The following EXT2 variants were observed in gnomAD, a reference collection of about 807,000 sequenced individuals.
EXT2 encodes exostosin-2.
Under a neutral mutation model 81.6 loss-of-function variants are expected in EXT2, and 53 were observed. That is an observed-to-expected ratio of 0.65 (90% CI 0.52 to 0.82). The LOEUF (loss-of-function observed/expected upper bound fraction) is 0.82, where lower values mean the gene tolerates loss of function less well. Among genes scored for constraint, EXT2 ranks in the 40% least tolerant of loss-of-function variants. The pLI is 0.00. For synonymous variants in EXT2, 320 were observed against 340.0 expected, an observed-to-expected ratio of 0.94 and a Z score of 0.65; for missense variants, 774 against 910.2, an observed-to-expected ratio of 0.85 and a Z score of 1.93.
rs1467337924 is a variant in EXT2, at chr11:44,206,894, G to A, written c.1597G>A (p.Ala533Thr). The A allele has an allele frequency of 6.2e-7, 1 of 1,614,156 alleles. No individual in the cohort carries two copies. ...CCCTTATGATGAAATCGAGACAGAAGCTGTTCTGGCCATTGATGATGATAT... is the reference window on the plus strand; with the variant it reads ...CCCTTATGATGAAATCGAGACAGAAACTGTTCTGGCCATTGATGATGATAT... ...FFPYDEIETEAVLAIDDDIIM... is the reference protein window; with the variant it reads ...FFPYDEIETETVLAIDDDIIM... Residue 533 changes from alanine (A) to threonine (T), a missense_variant, in exon 10 of 14, where the codon GCT (alanine) becomes ACT (threonine). Physicochemically the swap from Ala to Thr is moderately conservative, Grantham distance 58. Around this residue, in one of 2 missense-constraint regions of EXT2, gnomAD observed 148 missense variants for 239.7 expected, o/e 0.62. Coordinates refer to ENST00000533608, the MANE Select transcript of EXT2 (RefSeq NM_207122.2).
intron 8 of EXT2, among the ~76,000 whole-genome samples, chr11:44,174,323 A>G (rs917506685): frequency 3.9e-5 from 6 of 152,192 alleles, no homozygotes; most frequent in African/African-American, 1.4e-4. Context: ...AACAAGGCAG[A>G]GAAGGAGCCA....
intron 3 of EXT2, among the ~76,000 whole-genome samples, chr11:44,111,837 C>G (rs569987710): frequency 6.6e-6 from 1 of 152,174 alleles, no homozygotes; most frequent in Non-Finnish European, 1.5e-5. Flanking sequence ...TTGTGTGAAT[C>G]TCTGCATGAT....
rs191172620 is a variant in EXT2 at position 44,152,910 on chromosome 11, A to G, written c.1174-18701A>G. Among the ~76,000 whole-genome samples, 32 of 152,246 alleles carry G rather than the reference A, an allele frequency of 2.1e-4. No homozygotes were observed. The East Asian group carries it at 5.0e-3, about 24-fold the overall frequency. ...CTGTCTATTCTTTCACCAATATCAC[A>G]CTGTCTTGATGACTGTAGCTTTATT... On this transcript the variant is annotated intron_variant, in intron 7 of 13. Transcript: ENST00000533608.
rs868252913 is a variant in EXT2 at position 44,107,869 on chromosome 11, T to C, written c.157T>C (p.Ser53Pro). Residue 53 changes from serine to proline, a missense_variant, in exon 2 of 14, where the codon TCA (serine) becomes CCA (proline). By Grantham distance (74) the Ser-to-Pro change is moderately conservative (BLOSUM62 -1). Coordinates refer to ENST00000533608, the MANE Select transcript of EXT2 (RefSeq NM_207122.2). Reference sequence around the variant, plus strand: ...GTTTTGGCCCCATTCTATCGAGTCCTCAAATGACTGGAATGTAGAGAAGCG... The same window carrying C: ...GTTTTGGCCCCATTCTATCGAGTCCCCAAATGACTGGAATGTAGAGAAGCG... ...FQFWPHSIES[S>P]NDWNVEKRSI... 1.2e-6 allele frequency: 2 copies of C among 1,614,132 alleles called. No homozygotes were observed. Among genetic ancestry groups the C allele is most frequent in the African/African-American group, 2.7e-5 (2 of 75,020 alleles).
intron 8 of EXT2, among the ~76,000 whole-genome samples, chr11:44,181,716 T>C (rs1955238699): frequency 6.6e-6 from 1 of 152,212 alleles, no homozygotes; most frequent in Non-Finnish European, 1.5e-5. Flanking sequence ...TCTCTGAAGA[T>C]ATTATTTGTG....
chr11:44,204,887 A>G (rs1955564503), intron 9 of EXT2, among the ~76,000 whole-genome samples: 1 of 151,996 alleles, frequency 6.6e-6, no homozygotes. Flanking sequence ...TTCATATTTT[A>G]TAAGGATTTG....
chr11:44,130,006 G>A (rs781730137), intron 6 of EXT2, 39 bp from the exon 7 acceptor site: 2 of 1,477,824 alleles, frequency 1.4e-6, no homozygotes, highest in Non-Finnish European at 1.9e-6. Flanking sequence ...TTTCTGTGAA[G>A]GGCTGTGTGT....
At position 44,248,968 on chromosome 11, in the gene EXT2, T is replaced by G. The variant is rs528602850; in HGVS notation, c.*4681T>G. ...TTGCAACCATTTCAGGGTAGAGTTT[T>G]TTTGTTTGTTTGTTTGTTTGTTTTT... is the stretch of plus-strand genomic sequence containing the variant. On this transcript the variant is annotated 3_prime_UTR_variant, in exon 14 of 14. Transcript: ENST00000533608. 7.9e-5 allele frequency among the ~76,000 whole-genome samples: 12 copies of G among 151,946 alleles called. No homozygotes were observed. Among genetic ancestry groups the G allele is most frequent in the Non-Finnish European group, 1.6e-4 (11 of 67,974 alleles).
In EXT2 at chr11:44,251,958, A is replaced by G. The variant is rs1956141649; in HGVS notation, c.*7671A>G. 6.6e-6 allele frequency among the ~76,000 whole-genome samples: 1 copy of G among 152,242 alleles called. No homozygotes were observed. The highest frequency in any genetic ancestry group is 1.5e-5 in the Non-Finnish European group (1 of 68,040). On this transcript the variant is annotated 3_prime_UTR_variant, in exon 14 of 14. Coordinates refer to ENST00000533608, the MANE Select transcript of EXT2 (RefSeq NM_207122.2). ...AATGTCAATAAATGCTGTGAAGAAA[A>G]TAAAGCAGAGTATTATATGTGGATA...
At chr11:44,175,309 G>C (rs1423591216) in intron 8 of EXT2, among the ~76,000 whole-genome samples, 1 of 152,152 alleles carries the variant, frequency 6.6e-6, no homozygotes, top group East Asian at 1.9e-4. Context: ...TCATGGGTGA[G>C]GATGGTATTG....
At chr11:44,226,539 G>A (rs1955840067) in intron 10 of EXT2, among the ~76,000 whole-genome samples, 1 of 152,180 alleles carries the variant, frequency 6.6e-6, no homozygotes, top group Non-Finnish European at 1.5e-5. Flanking sequence ...AGCATAAGCT[G>A]AAAATGAAGG....
chr11:44,157,596 C>G (rs928709295), intron 7 of EXT2, among the ~76,000 whole-genome samples: 1 of 152,180 alleles, frequency 6.6e-6, no homozygotes, highest in Non-Finnish European at 1.5e-5. Context: ...GGTGAATGCT[C>G]TCAGGCCTGG....
intron 12 of EXT2, 41 bp downstream of exon 12, chr11:44,234,284 A>T: frequency 6.3e-7 from 1 of 1,587,798 alleles, no homozygotes; most frequent in African/African-American, 1.3e-5. Flanking sequence ...GATCTTGGGC[A>T]AATATCTATT....
chr11:44,213,737 C>G (rs1955680620), intron 10 of EXT2, among the ~76,000 whole-genome samples: 1 of 152,056 alleles, frequency 6.6e-6, no homozygotes, highest in South Asian at 2.1e-4. Context: ...ACTTGTGGGA[C>G]AATCACAAAA....
At chr11:44,142,177 A>T (rs1188213813) in intron 7 of EXT2, among the ~76,000 whole-genome samples, 5 of 152,244 alleles carry the variant, frequency 3.3e-5, no homozygotes, top group Non-Finnish European at 5.9e-5. Context: ...AACTTACTAT[A>T]TACTTACATA....
chr11:44,183,450 A>C (rs186959596), intron 8 of EXT2, among the ~76,000 whole-genome samples: 2 of 152,282 alleles, frequency 1.3e-5, no homozygotes, highest in East Asian at 1.9e-4. Flanking sequence ...TTTAAACCTG[A>C]AGATTGTTGA....
chr11:44,112,661 A>G (rs1300489616), intron 3 of EXT2, among the ~76,000 whole-genome samples: 3 of 152,198 alleles, frequency 2.0e-5, no homozygotes, highest in Non-Finnish European at 4.4e-5. Flanking sequence ...TGAGATGACA[A>G]ACAGACTGCA....
chr11:44,215,443 C>A (rs1006396168), intron 10 of EXT2, among the ~76,000 whole-genome samples: 2 of 152,060 alleles, frequency 1.3e-5, no homozygotes, highest in Non-Finnish European at 2.9e-5. Flanking sequence ...TTTGATTCTA[C>A]TGTGGTCAGA....
intron 4 of EXT2, among the ~76,000 whole-genome samples, chr11:44,114,599 C>G (rs565093828): frequency 2.0e-5 from 3 of 152,328 alleles, no homozygotes; most frequent in Non-Finnish European, 2.9e-5. Flanking sequence ...ATTGATTCTG[C>G]ATCCTAAATA....
Sources: allele counts gnomAD v4.1 joint callset (sites outside exome capture counted in the v4.1 genomes callset), GRCh38; gene constraint gnomAD v4.1.1; regional missense constraint gnomAD v4.1.1; transcripts MANE v1.5; gene names NCBI Gene and HGNC (gene_info 2026-07-23, HGNC 2026-07-21).